Variants in GABBR2 observed in about 807,000 individuals in gnomAD.
GABBR2 encodes the protein gamma-aminobutyric acid type B receptor subunit 2, also known as G-protein coupled receptor 51.
A neutral mutation model predicts 105.6 loss-of-function variants in GABBR2; 23 were observed. The observed-to-expected ratio is 0.22, with a 90% CI of 0.16 to 0.31. The LOEUF is 0.31. Ranked by LOEUF, GABBR2 falls within the 10% of genes least tolerant of loss-of-function variation. GABBR2 has a pLI of 1.00. For synonymous variants in GABBR2, 478 were observed against 499.7 expected (o/e 0.96, Z 0.58); for missense variants, 734 against 1,245.5 (o/e 0.59, Z 6.18).
At chr9:98,398,459 G>A (rs928147135) in intron 8 of GABBR2, among the ~76,000 whole-genome samples, 1 of 152,022 alleles carries the variant, frequency 6.6e-6, no homozygotes, top group African/African-American at 2.4e-5. Context: ...TAAGTGAGGG[G>A]GCTGCATGGG....
intron 7 of GABBR2, among the ~76,000 whole-genome samples, chr9:98,423,591 C>CAGA (rs1832822930): frequency 6.6e-6 from 1 of 152,206 alleles, no homozygotes; most frequent in Non-Finnish European, 1.5e-5. Flanking sequence ...TTTTGCTGTG[C>CAGA]AGAAGCACTT....
At chr9:98,659,814 C>T (rs1830235824) in intron 1 of GABBR2, among the ~76,000 whole-genome samples, 1 of 151,972 alleles carries the variant, frequency 6.6e-6, no homozygotes, top group African/African-American at 2.4e-5. Context: ...AGCCACCGCA[C>T]CCAGCCTAAA....
chr9:98,510,647 A>G, intron 3 of GABBR2, among the ~76,000 whole-genome samples: 1 of 149,126 alleles, frequency 6.7e-6, no homozygotes, highest in African/African-American at 2.4e-5. Context: ...CAGACTGTAA[A>G]CCAACAAAGA....
At chr9:98,495,760 A>T (rs1827265291) in intron 4 of GABBR2, among the ~76,000 whole-genome samples, 1 of 152,094 alleles carries the variant, frequency 6.6e-6, no homozygotes, top group East Asian at 1.9e-4. Context: ...CCCAGGTGGG[A>T]TGAGTCACTT....
At chr9:98,674,967 T>A (rs970564329) in intron 1 of GABBR2, among the ~76,000 whole-genome samples, 2 of 152,030 alleles carry the variant, frequency 1.3e-5, no homozygotes, top group African/African-American at 4.8e-5. Flanking sequence ...TTGGAAGGAA[T>A]CCCCAAATCT....
chr9:98,312,298 C>G (rs750173619), intron 13 of GABBR2, among the ~76,000 whole-genome samples: 2 of 152,170 alleles, frequency 1.3e-5, no homozygotes, highest in Non-Finnish European at 2.9e-5. Flanking sequence ...ATTCTTCAGC[C>G]TACTTTGGTC....
At chr9:98,418,205 G>T (rs1221978978) in intron 7 of GABBR2, among the ~76,000 whole-genome samples, 1 of 152,142 alleles carries the variant, frequency 6.6e-6, no homozygotes, top group African/African-American at 2.4e-5. Context: ...ATCCATGGGA[G>T]AGGAGGATGA....
At position 98,708,415 on chromosome 9, in the gene GABBR2, A is replaced by C; in HGVS notation, c.321+2T>G. ...CGACGGCAGGGGCAGCCGGACACTC[A>C]CCTCCGTGTCATAGAGCCGCAGGTC... On this transcript the variant is annotated splice_donor_variant, in intron 1 of 18. Transcript: ENST00000259455. LOFTEE classifies it high-confidence loss of function. 1 of 1,436,418 alleles carries C rather than the reference A, an allele frequency of 7.0e-7. No individual in the cohort carries two copies. Among genetic ancestry groups the C allele is most frequent in the African/African-American group, 1.4e-5 (1 of 69,632 alleles). The allele number at this position is 1,436,418 out of a possible 1,614,324, so 89.0% of individuals were successfully genotyped here. A position where few individuals can be genotyped will look rare whatever the true frequency, so the allele number is the denominator to read the frequency against.
chr9:98,391,416 A>G (rs1832178115), intron 9 of GABBR2, among the ~76,000 whole-genome samples: 1 of 152,168 alleles, frequency 6.6e-6, no homozygotes, highest in South Asian at 2.1e-4. Context: ...AGATCTGCCT[A>G]ACCCTGAAGC....
intron 11 of GABBR2, among the ~76,000 whole-genome samples, chr9:98,373,748 T>C (rs1370460814): frequency 6.6e-6 from 1 of 152,146 alleles, no homozygotes; most frequent in East Asian, 1.9e-4. Context: ...CATGGGCATT[T>C]TAAAAAGGAC....
At chr9:98,354,234 C>G (rs1310609365) in intron 13 of GABBR2, among the ~76,000 whole-genome samples, 4 of 152,174 alleles carry the variant, frequency 2.6e-5, no homozygotes, top group African/African-American at 9.7e-5. Flanking sequence ...CTTTGTTGTT[C>G]CATTTATAGA....
At chr9:98,622,476 T>C (rs1311044059) in intron 1 of GABBR2, among the ~76,000 whole-genome samples, 1 of 151,790 alleles carries the variant, frequency 6.6e-6, no homozygotes, top group Non-Finnish European at 1.5e-5. Context: ...CCCCCAGTCA[T>C]GATAGAAAAG....
At chr9:98,474,222 C>A (rs1247695918) in intron 5 of GABBR2, among the ~76,000 whole-genome samples, 1 of 152,084 alleles carries the variant, frequency 6.6e-6, no homozygotes, top group East Asian at 1.9e-4. Context: ...AAAAGTCAGG[C>A]CTGGATCTAG....
intron 1 of GABBR2, among the ~76,000 whole-genome samples, chr9:98,641,428 A>C (rs1440736461): frequency 6.6e-6 from 1 of 151,656 alleles, no homozygotes; most frequent in Non-Finnish European, 1.5e-5. Context: ...GTGAGCCACC[A>C]CACGTCCAGC....
intron 2 of GABBR2, among the ~76,000 whole-genome samples, chr9:98,568,103 C>G (rs914669): frequency 0.12 from 18,467 of 152,122 alleles, 1,482 homozygotes; most frequent in Non-Finnish European, 0.18. Flanking sequence ...AGGCTGGATG[C>G]GGGGACCACA....
At chr9:98,362,891 C>A in intron 12 of GABBR2, 54 bp from the exon 13 acceptor site, 1 of 1,433,580 alleles carries the variant, frequency 7.0e-7, no homozygotes, top group Non-Finnish European at 9.2e-7. Flanking sequence ...GCTTCCCACG[C>A]AGCAACTGGG....
intron 1 of GABBR2, among the ~76,000 whole-genome samples, chr9:98,626,381 G>A (rs1264289042): frequency 1.3e-5 from 2 of 152,194 alleles, no homozygotes; most frequent in African/African-American, 2.4e-5. Context: ...CATTTTAAAT[G>A]GGTGAATTGT....
chr9:98,561,516 G>GAGA (rs141216700), intron 2 of GABBR2, among the ~76,000 whole-genome samples: 3,025 of 152,234 alleles, frequency 0.02, 103 homozygotes, highest in African/African-American at 0.067. Context: ...GCAGGAGGAG[G>GAGA]AGAAGAAAGA....
chr9:98,671,755 G>T (rs1830410106), intron 1 of GABBR2, among the ~76,000 whole-genome samples: 1 of 152,082 alleles, frequency 6.6e-6, no homozygotes, highest in South Asian at 2.1e-4. Flanking sequence ...CTTTTAAATG[G>T]GGGCCCAATA....
Sources: allele counts gnomAD v4.1 joint callset (sites outside exome capture counted in the v4.1 genomes callset), GRCh38; gene constraint gnomAD v4.1.1; transcripts MANE v1.5; gene names NCBI Gene and HGNC (gene_info 2026-07-23, HGNC 2026-07-21).